The following MARCHF11 variants were observed in gnomAD, a reference collection of about 807,000 sequenced individuals.
The protein encoded by MARCHF11 is membrane associated ring-CH-type finger 11, also known as E3 ubiquitin-protein ligase MARCHF11.
Under a neutral mutation model 37.3 loss-of-function variants are expected in MARCHF11, and 29 were observed. That is an observed-to-expected ratio of 0.78 (90% CI 0.58 to 1.06). The LOEUF is 1.06. Ranked by LOEUF, MARCHF11 falls within the 50% of genes least tolerant of loss-of-function variation. The probability of loss-of-function intolerance (pLI) is 0.00; values close to 1 mark genes in which losing one functional copy is unlikely to be tolerated. For synonymous variants in MARCHF11, 233 were observed against 228.0 expected, an observed-to-expected ratio of 1.02 and a Z score of -0.20; for missense variants, 482 against 533.4, an observed-to-expected ratio of 0.90 and a Z score of 0.95.
intron 2 of MARCHF11, among the ~76,000 whole-genome samples, chr5:16,170,579 T>C (rs1738246984): frequency 6.6e-6 from 1 of 152,150 alleles, no homozygotes; most frequent in African/African-American, 2.4e-5. Flanking sequence ...CCCTAAATCA[T>C]ACTCTCACTC....
intron 2 of MARCHF11, among the ~76,000 whole-genome samples, chr5:16,131,754 A>G (rs1261597094): frequency 6.6e-6 from 1 of 152,202 alleles, no homozygotes; most frequent in South Asian, 2.1e-4. Flanking sequence ...TTCATGATGG[A>G]CAGCTTAAAT....
intron 2 of MARCHF11, among the ~76,000 whole-genome samples, chr5:16,100,554 G>GTAGC (rs1308869745): frequency 3.3e-5 from 5 of 152,190 alleles, no homozygotes; most frequent in Admixed American, 6.5e-5. Context: ...AATGGCAGAG[G>GTAGC]TAGCTGTAGG....
intron 2 of MARCHF11, among the ~76,000 whole-genome samples, chr5:16,134,977 T>TTCTCTCTCTCTCTCTCTCTCTCTCTC (rs146251875): frequency 2.1e-5 from 3 of 143,026 alleles, no homozygotes; most frequent in African/African-American, 8.0e-5. Context: ...TATGAGTGAT[T>TTCTCTCTCTCTCTCTCTCTCTCTCTC]TCTCTCTCTC....
At chr5:16,152,284 A>T (rs1737902295) in intron 2 of MARCHF11, among the ~76,000 whole-genome samples, 1 of 151,934 alleles carries the variant, frequency 6.6e-6, no homozygotes, top group South Asian at 2.1e-4. Flanking sequence ...AACTGTTCCC[A>T]TTTCTAAAGC....
intron 2 of MARCHF11, among the ~76,000 whole-genome samples, chr5:16,174,727 G>A (rs996836973): frequency 2.0e-5 from 3 of 152,188 alleles, no homozygotes; most frequent in Admixed American, 1.3e-4. Flanking sequence ...GGAAGTTATG[G>A]TGATATGTGC....
At chr5:16,153,741 T>C (rs192479250) in intron 2 of MARCHF11, among the ~76,000 whole-genome samples, 2 of 152,056 alleles carry the variant, frequency 1.3e-5, no homozygotes, top group Admixed American at 6.6e-5. Flanking sequence ...AGTAAACAGT[T>C]CACAGGCTAA....
intron 2 of MARCHF11, among the ~76,000 whole-genome samples, chr5:16,176,842 A>C (rs915455774): frequency 6.6e-6 from 1 of 152,072 alleles, no homozygotes. Context: ...GCAATTCCCT[A>C]TTCTTTTTAT....
At chr5:16,079,506 C>A (rs1422619427) in intron 3 of MARCHF11, among the ~76,000 whole-genome samples, 1 of 152,202 alleles carries the variant, frequency 6.6e-6, no homozygotes, top group Non-Finnish European at 1.5e-5. Context: ...CCAATCTTAA[C>A]CCAGTCTCAC....
chr5:16,165,208 G>A (rs185008969), intron 2 of MARCHF11, among the ~76,000 whole-genome samples: 1 of 151,946 alleles, frequency 6.6e-6, no homozygotes, highest in Admixed American at 6.6e-5. Context: ...TTTCCCTATC[G>A]CTTCTACCTG....
intron 2 of MARCHF11, among the ~76,000 whole-genome samples, chr5:16,117,739 A>T (rs1737244945): frequency 6.6e-6 from 1 of 152,214 alleles, no homozygotes; most frequent in Admixed American, 6.5e-5. Context: ...AGGCAAAAAC[A>T]ATTCAACTGT....
intron 2 of MARCHF11, among the ~76,000 whole-genome samples, chr5:16,107,543 A>C (rs1737064150): frequency 6.6e-6 from 1 of 152,166 alleles, no homozygotes. Context: ...ACAATATTAA[A>C]TGTGATACAG....
chr5:16,082,894 A>G (rs533154059), intron 3 of MARCHF11, among the ~76,000 whole-genome samples: 1 of 152,182 alleles, frequency 6.6e-6, no homozygotes, highest in African/African-American at 2.4e-5. Flanking sequence ...CATGTAACCC[A>G]AAGTGTCAGC....
At chr5:16,114,741 T>C (rs1003437615) in intron 2 of MARCHF11, among the ~76,000 whole-genome samples, 5 of 152,006 alleles carry the variant, frequency 3.3e-5, no homozygotes, top group African/African-American at 9.7e-5. Context: ...CCTTCCACCC[T>C]GGCCTCCCAA....
chr5:16,079,632 G>T (rs1736573880), intron 3 of MARCHF11, among the ~76,000 whole-genome samples: 1 of 152,178 alleles, frequency 6.6e-6, no homozygotes, highest in Non-Finnish European at 1.5e-5. Flanking sequence ...GTCATGCCCA[G>T]TGATTCTGCA....
intron 3 of MARCHF11, among the ~76,000 whole-genome samples, chr5:16,082,848 T>C (rs1349455108): frequency 6.6e-6 from 1 of 152,160 alleles, no homozygotes; most frequent in African/African-American, 2.4e-5. Flanking sequence ...CAAAATGAGA[T>C]AGACACAGCA....
In MARCHF11 at chr5:16,134,287, C is replaced by T. The variant is rs187407677; in HGVS notation, c.694-43206G>A. 4.5e-3 allele frequency among the ~76,000 whole-genome samples: 684 copies of T among 152,174 alleles called. 1 individual carries two copies. The highest frequency in any genetic ancestry group is 7.0e-3 in the Non-Finnish European group (473 of 67,990). On this transcript the variant is annotated intron_variant, in intron 2 of 3. Coordinates refer to ENST00000332432, the MANE Select transcript of MARCHF11 (RefSeq NM_001102562.3). ...GGAAATGTAATACAATCATGTGGGA[C>T]GTGGGACCTAATGGGGAAGGTTTAG... is the stretch of plus-strand genomic sequence containing the variant.
At chr5:16,147,326 A>T (rs1737815869) in intron 2 of MARCHF11, among the ~76,000 whole-genome samples, 1 of 152,132 alleles carries the variant, frequency 6.6e-6, no homozygotes, top group Admixed American at 6.5e-5. Flanking sequence ...TATGGGCTTC[A>T]TTTCATTTAA....
intron 2 of MARCHF11, among the ~76,000 whole-genome samples, chr5:16,160,736 G>A (rs1738061983): frequency 6.6e-6 from 1 of 151,756 alleles, no homozygotes; most frequent in Admixed American, 6.6e-5. Flanking sequence ...AGACACCTTG[G>A]TTTTAAACAA....
chr5:16,159,650 C>G (rs564333717), intron 2 of MARCHF11, among the ~76,000 whole-genome samples: 1 of 151,932 alleles, frequency 6.6e-6, no homozygotes, highest in Non-Finnish European at 1.5e-5. Context: ...TTATTTCTAT[C>G]TCTTCTTTTA....
Sources: allele counts gnomAD v4.1 joint callset (sites outside exome capture counted in the v4.1 genomes callset), GRCh38; gene constraint gnomAD v4.1.1; transcripts MANE v1.5; gene names NCBI Gene and HGNC (gene_info 2026-07-23, HGNC 2026-07-21).